The following MYO18B variants were observed in gnomAD, a reference collection of about 807,000 sequenced individuals.
MYO18B encodes myosin XVIIIB, also known as unconventional myosin-XVIIIb.
In MYO18B, 204 loss-of-function variants were observed where a neutral mutation model predicts 273.0. The ratio of observed to expected loss-of-function variants is 0.75; its 90% CI spans 0.67 to 0.84. MYO18B has a LOEUF of 0.84. Among genes scored for constraint, MYO18B ranks in the 40% least tolerant of loss-of-function variants. MYO18B has a pLI of 0.00. For missense variants in MYO18B, 3,212 were observed against 3,287.6 expected (o/e 0.98, Z 0.56); for synonymous variants, 1,330 against 1,305.7 (o/e 1.02, Z -0.40).
chr22:25,954,038 A>T (rs1235584173), intron 38 of MYO18B, among the ~76,000 whole-genome samples: 1 of 152,200 alleles, frequency 6.6e-6, no homozygotes, highest in African/African-American at 2.4e-5. Context: ...GTGGCTGCAG[A>T]AAAAGGGCTC....
intron 42 of MYO18B, among the ~76,000 whole-genome samples, chr22:26,017,076 T>TTCCTCA: frequency 9.6e-6 from 1 of 104,056 alleles, no homozygotes. Context: ...TTCCTTCCTC[T>TTCCTCA]CTGTGCCTCT....
intron 27 of MYO18B, 191 bp from the exon 28 acceptor site, chr22:25,894,965 C>G: frequency 1.6e-6 from 1 of 633,712 alleles, no homozygotes; most frequent in Admixed American, 3.0e-5. Flanking sequence ...TCAGGACAGG[C>G]TGCCTGGAGG....
intron 15 of MYO18B, among the ~76,000 whole-genome samples, chr22:25,831,003 G>T (rs560996157): frequency 2.6e-5 from 4 of 152,316 alleles, no homozygotes; most frequent in African/African-American, 9.6e-5. Flanking sequence ...TAAAACGCTG[G>T]AAAGTTCATA....
chr22:26,020,310 C>A (rs1935704833), intron 42 of MYO18B, among the ~76,000 whole-genome samples: 1 of 151,902 alleles, frequency 6.6e-6, no homozygotes, highest in Non-Finnish European at 1.5e-5. Context: ...ATGATGGGGC[C>A]CCATTCATAA....
rs1190787102 is a variant in MYO18B, at chr22:25,947,491, C to CACACAG, written c.5632-216_5632-215insGACACA. Among the ~76,000 whole-genome samples the CACACAG allele has an allele frequency of 4.6e-3, 280 of 61,380 alleles. 2 individuals carry two copies. The highest frequency in any genetic ancestry group is 0.02 in the African/African-American group (268 of 13,624). 40.3% of individuals were successfully genotyped at this position (61,380 alleles called of 152,430 possible). A position where few individuals can be genotyped will look rare whatever the true frequency, so the allele number is the denominator to read the frequency against. On this transcript the variant is annotated intron_variant, in intron 35 of 43. Transcript: ENST00000335473. Reference sequence around the variant, plus strand: ...ATAGTCACATGTAATGCCTAATACACACACACACACACACACACACACACA... The same window carrying CACACAG: ...ATAGTCACATGTAATGCCTAATACACACACAGACACACACACACACACACACACACA...
intron 42 of MYO18B, 64 bp from the exon 43 acceptor site, chr22:26,026,381 A>G: frequency 2.6e-6 from 4 of 1,533,454 alleles, no homozygotes; most frequent in Non-Finnish European, 3.5e-6. Context: ...GGGCTCTCAC[A>G]CCGATTGCAC....
Position 25,890,787 on chromosome 22 carries a change from A to G in MYO18B, c.4346A>G (p.Glu1449Gly), listed in dbSNP as rs776554307. The change falls in exon 26 of 44, where the codon GAG (glutamate) becomes GGG (glycine). Residue 1449 changes from glutamate to glycine, a missense_variant. Glu to Gly is a moderately conservative substitution (Grantham distance 98, BLOSUM62 -2). Coordinates refer to ENST00000335473, the MANE Select transcript of MYO18B (RefSeq NM_032608.7). ...IADLTSDLAD[E>G]RFKGDVACQV... ...GACTTGACCTCTGACCTTGCCGATG[A>G]GCGCTTCAAAGGTGATGTGGCCTGC... is the stretch of plus-strand genomic sequence containing the variant. The G allele has an allele frequency of 6.2e-7, 1 of 1,613,910 alleles. No homozygotes were observed. Among genetic ancestry groups the G allele is most frequent in the Non-Finnish European group, 8.5e-7 (1 of 1,179,882 alleles).
chr22:25,884,442 G>A (rs1318075653), intron 25 of MYO18B, among the ~76,000 whole-genome samples: 1 of 152,148 alleles, frequency 6.6e-6, no homozygotes, highest in Non-Finnish European at 1.5e-5. Flanking sequence ...ATCTGTCTTA[G>A]GCTATTAGGA....
chr22:25,784,655 A>G (rs569263339), intron 10 of MYO18B, among the ~76,000 whole-genome samples: 1 of 152,232 alleles, frequency 6.6e-6, no homozygotes, highest in East Asian at 1.9e-4. Context: ...CCAACGTGGG[A>G]TTGGGGATCC....
chr22:25,903,989 A>G lies in MYO18B; in HGVS notation c.5148+158A>G, dbSNP rs191691829. Among the ~76,000 whole-genome samples, 525 of 152,252 alleles carry G rather than the reference A, an allele frequency of 3.4e-3. 1 individual carries two copies. Among genetic ancestry groups the G allele is most frequent in the African/African-American group, 0.012 (512 of 41,550 alleles). On this transcript the variant is annotated intron_variant, in intron 31 of 43. Coordinates refer to ENST00000335473, the MANE Select transcript of MYO18B (RefSeq NM_032608.7). The stretch of plus-strand genomic sequence containing the variant: ...CTTTAAGCTCCTAAGTCTGACATTC[A>G]GATCCTTCCTGATCCAGCTCTCCCC...
rs1465410824 is a variant in MYO18B at position 26,030,914 on chromosome 22, C to T, written c.*484C>T. The T allele has an allele frequency of 2.3e-5, 9 of 398,316 alleles. No homozygotes were observed. The highest frequency in any genetic ancestry group is 3.6e-5 in the East Asian group (1 of 28,074). 24.7% of individuals were successfully genotyped at this position (398,316 alleles called of 1,614,324 possible). ...ATGCTCCCTTAATCCCCATGCTTGT[C>T]GATTATATTCCTTTGCCAATTCATT... On this transcript the variant is annotated 3_prime_UTR_variant, in exon 44 of 44. Transcript: ENST00000335473.
chr22:25,835,460 C>T lies in MYO18B; in HGVS notation c.3208+17C>T, dbSNP rs965545660. 1 of 1,613,114 alleles carries T rather than the reference C, an allele frequency of 6.2e-7. No homozygotes were observed. Among genetic ancestry groups the T allele is most frequent in the Non-Finnish European group, 8.5e-7 (1 of 1,179,782 alleles). The stretch of plus-strand genomic sequence containing the variant: ...GGACTGAAGGTAAGGAAGCAGGGGG[C>T]TGGGGATGGGGCCTGAGTCCAGCCT... On this transcript the variant is annotated intron_variant, in intron 17 of 43. Coordinates refer to ENST00000335473, the MANE Select transcript of MYO18B (RefSeq NM_032608.7).
chr22:25,943,783 G>A (rs2092673438), intron 34 of MYO18B, among the ~76,000 whole-genome samples: 1 of 138,812 alleles, frequency 7.2e-6, no homozygotes, highest in Non-Finnish European at 1.5e-5. Flanking sequence ...GCAATGGTGC[G>A]ATCTCGGCTC....
chr22:25,992,110 A>G (rs2146849334), intron 39 of MYO18B, among the ~76,000 whole-genome samples: 1 of 152,092 alleles, frequency 6.6e-6, no homozygotes, highest in South Asian at 2.1e-4. Flanking sequence ...TGGGAGCAGC[A>G]CCCCCTGCAC....
chr22:25,947,692 C>A lies in MYO18B; in HGVS notation c.5632-20C>A. 6.2e-7 allele frequency: 1 copy of A among 1,602,934 alleles called. No individual in the cohort carries two copies. The highest frequency in any genetic ancestry group is 1.1e-5 in the South Asian group (1 of 90,362). ...CCTCACCCTCTCACCTTGCCTTGAC[C>A]ACTGATCTGCCTCCCCCAGGTGGAT... On this transcript the variant is annotated intron_variant, in intron 35 of 43. Coordinates refer to ENST00000335473, the MANE Select transcript of MYO18B (RefSeq NM_032608.7).
intron 33 of MYO18B, among the ~76,000 whole-genome samples, chr22:25,920,101 T>C (rs1374876854): frequency 1.3e-5 from 2 of 152,184 alleles, no homozygotes; most frequent in Non-Finnish European, 2.9e-5. Flanking sequence ...CTCAACCCCA[T>C]GTTTTTTCTA....
intron 42 of MYO18B, among the ~76,000 whole-genome samples, chr22:26,009,905 G>A (rs1443575947): frequency 6.6e-6 from 1 of 152,084 alleles, no homozygotes; most frequent in African/African-American, 2.4e-5. Context: ...ATTCTCCCAA[G>A]TTTTAAATTT....
chr22:25,846,094 C>G lies in MYO18B; in HGVS notation c.3369-6C>G, dbSNP rs773942724. ...GCTCCTCTCTCTTTTCCCTCCTCCC[C>G]ACCAGAGAGGAGCTGCGGAGTCTAT... is the stretch of plus-strand genomic sequence containing the variant. On this transcript the variant is annotated splice_polypyrimidine_tract_variant and splice_region_variant and intron_variant, in intron 18 of 43. Coordinates refer to ENST00000335473, the MANE Select transcript of MYO18B (RefSeq NM_032608.7). 24 of 1,532,434 alleles carry G rather than the reference C, an allele frequency of 1.6e-5. No individual in the cohort carries two copies. Among genetic ancestry groups the G allele is most frequent in the Admixed American group, 1.1e-4 (5 of 43,788 alleles). The allele number at this position is 1,532,434 out of a possible 1,614,324, so 94.9% of individuals were successfully genotyped here. A position where few individuals can be genotyped will look rare whatever the true frequency, so the allele number is the denominator to read the frequency against.
chr22:25,752,271 T>C (rs1435434582), intron 1 of MYO18B, among the ~76,000 whole-genome samples: 2 of 149,494 alleles, frequency 1.3e-5, no homozygotes, highest in Non-Finnish European at 3.0e-5. Context: ...CACTGCAAGC[T>C]CCGCCTCCCG....
Sources: allele counts gnomAD v4.1 joint callset (sites outside exome capture counted in the v4.1 genomes callset), GRCh38; gene constraint gnomAD v4.1.1; transcripts MANE v1.5; gene names NCBI Gene and HGNC (gene_info 2026-07-23, HGNC 2026-07-21).